Variants in DIABLO observed in about 807,000 individuals in gnomAD.
The protein encoded by DIABLO is diablo IAP-binding mitochondrial protein.
DIABLO carries 32 observed loss-of-function variants against 31.7 expected under a neutral mutation model. The observed-to-expected ratio is 1.01, with a 90% CI of 0.76 to 1.35. DIABLO has a LOEUF of 1.35. Ranked by LOEUF, DIABLO falls within the 40% of genes most tolerant of loss-of-function variation. DIABLO has a pLI of 0.00. For synonymous variants in DIABLO, 132 were observed against 103.2 expected (o/e 1.28, Z -1.69); for missense variants, 316 against 286.4 (o/e 1.10, Z -0.75).
intron 1 of DIABLO, chr12:122,224,872 G>C: frequency 1.4e-6 from 2 of 1,440,920 alleles, no homozygotes; most frequent in Non-Finnish European, 1.8e-6. Flanking sequence ...GAAGGCCAAG[G>C]GCAAGGCGGG....
intron 2 of DIABLO, chr12:122,222,693 A>C (rs1172689802): frequency 6.6e-6 from 1 of 152,132 alleles, no homozygotes; most frequent in African/African-American, 2.4e-5. Context: ...GGATGGTTTC[A>C]GGATGAAACT....
rs546769425 is a variant in DIABLO at position 122,225,819 on chromosome 12, T to C, written c.50+146A>G. The C allele has an allele frequency of 4.4e-3, 6,549 of 1,502,098 alleles. 21 individuals are homozygous for C. Among genetic ancestry groups the C allele is most frequent in the Non-Finnish European group, 5.3e-3 (5,979 of 1,125,686 alleles). The allele number at this position is 1,502,098 out of a possible 1,614,324, so 93.0% of individuals were successfully genotyped here. On this transcript the variant is annotated intron_variant, in intron 1 of 5. Transcript: ENST00000464942. ...GCGGAGGCGGGGCTGTCCTCAGTCC[T>C]CCCGACCGGAGCGAGACGCCGCGAC...
At chr12:122,214,719 C>G (rs1459111140) in intron 5 of DIABLO, among the ~76,000 whole-genome samples, 1 of 149,866 alleles carries the variant, frequency 6.7e-6, no homozygotes, top group Admixed American at 6.7e-5. Context: ...ATCCCAGTTT[C>G]TTTTTTTTTT....
chr12:122,227,145 G>T (rs1954495299), upstream of DIABLO, among the ~76,000 whole-genome samples: 1 of 152,176 alleles, frequency 6.6e-6, no homozygotes, highest in South Asian at 2.1e-4. Context: ...GTGGTGGGTG[G>T]GCATCAATCC....
chr12:122,220,174 G>A (rs1954304047), intron 2 of DIABLO, among the ~76,000 whole-genome samples: 1 of 151,934 alleles, frequency 6.6e-6, no homozygotes, highest in African/African-American at 2.4e-5. Flanking sequence ...TTGAACTCCT[G>A]ACCTCAAGTG....
At chr12:122,218,529 G>C (rs557085112) in intron 2 of DIABLO, 132 bp from the exon 3 acceptor site, 1 of 1,220,714 alleles carries the variant, frequency 8.2e-7, no homozygotes, top group East Asian at 2.5e-5. Context: ...ATTTCTTTGG[G>C]TTATATTTTT....
chr12:122,207,756 AG>A lies in DIABLO; in HGVS notation c.*624del, dbSNP rs770201010. On this transcript the variant is annotated 3_prime_UTR_variant, in exon 6 of 6. Transcript: ENST00000464942. ...ACAATAGAGAAACGGAAAGAAAGGAAGGAACAAGAGGCCTGTGTTAAGTCCT... is the reference window on the plus strand; with the variant it reads ...ACAATAGAGAAACGGAAAGAAAGGAAGAACAAGAGGCCTGTGTTAAGTCCT... The A allele has an allele frequency of 4.2e-5, 20 of 481,352 alleles. No homozygotes were observed. Among genetic ancestry groups the A allele is most frequent in the Non-Finnish European group, 8.1e-5 (20 of 245,584 alleles). The allele number at this position is 481,352 out of a possible 1,614,324, so 29.8% of individuals were successfully genotyped here. A position where few individuals can be genotyped will look rare whatever the true frequency, so the allele number is the denominator to read the frequency against.
Position 122,226,023 on chromosome 12 carries a change from G to C in DIABLO, c.-9C>G, listed in dbSNP as rs755788729. 152 of 1,601,932 alleles carry C rather than the reference G, an allele frequency of 9.5e-5. No individual in the cohort carries two copies. Among genetic ancestry groups the C allele is most frequent in the Middle Eastern group, 1.8e-4 (1 of 5,430 alleles). On this transcript the variant is annotated 5_prime_UTR_variant, in exon 1 of 6. Transcript: ENST00000464942. ...CTCTTCAGAGCCGCCATTGTGCAGC[G>C]CGCGGACGCCAGACGCACACGCCGG... is the stretch of plus-strand genomic sequence containing the variant.
At chr12:122,226,762 C>T, upstream of DIABLO, 1 of 559,792 alleles carries the variant, frequency 1.8e-6, no homozygotes, top group Non-Finnish European at 3.2e-6. Context: ...ACCCAAACTG[C>T]CCTCGTTCTT....
At chr12:122,212,209 T>C (rs1954103705) in intron 5 of DIABLO, among the ~76,000 whole-genome samples, 1 of 152,192 alleles carries the variant, frequency 6.6e-6, no homozygotes, top group Non-Finnish European at 1.5e-5. Context: ...CCAAGTTTCC[T>C]CCCACTCCTA....
rs1954261416 is a variant in DIABLO, at chr12:122,218,355, T to A, written c.226A>T (p.Arg76Ter). ...HSLSSEALMR[R>*]AVSLVTDSTS... ...CTATCTGTTACCAAAGACACTGCTC[T>A]CCTCATCAATGCTTCACTACTAAGG... The change falls in exon 3 of 6, where the codon AGA becomes TGA. Residue 76 changes from arginine (R) to a stop codon, truncating the protein, a stop_gained. Coordinates refer to ENST00000464942, the MANE Select transcript of DIABLO (RefSeq NM_001371333.1). LOFTEE classifies it high-confidence loss of function. The A allele has an allele frequency of 6.2e-7, 1 of 1,614,026 alleles. No homozygotes were observed. Among genetic ancestry groups the A allele is most frequent in the Non-Finnish European group, 8.5e-7 (1 of 1,180,010 alleles).
intron 5 of DIABLO, among the ~76,000 whole-genome samples, chr12:122,215,883 GAAAAAAA>G (rs60645708): frequency 6.4e-5 from 6 of 94,242 alleles, no homozygotes; most frequent in South Asian, 4.0e-4. Context: ...TTTTATGAAG[GAAAAAAA>G]AAAAAAAAAA....
At chr12:122,212,649 G>C (rs948218554) in intron 5 of DIABLO, among the ~76,000 whole-genome samples, 3 of 150,394 alleles carry the variant, frequency 2.0e-5, no homozygotes, top group African/African-American at 7.3e-5. Context: ...TTTTGAGATG[G>C]AGTCTTGCTC....
In DIABLO at chr12:122,212,920, C is replaced by T. The variant is rs141317366; in HGVS notation, c.523+3568G>A. 5.2e-4 allele frequency among the ~76,000 whole-genome samples: 79 copies of T among 151,504 alleles called. 1 individual carries two copies. Among genetic ancestry groups the T allele is most frequent in the African/African-American group, 1.8e-3 (74 of 41,116 alleles). On this transcript the variant is annotated intron_variant, in intron 5 of 5. Transcript: ENST00000464942. ...GATTACAGGCGTGAGCCACTGCGCC[C>T]GGCCATTTTTTTGTTTTTAAGACAG...
At chr12:122,209,699 G>A (rs192097817) in intron 5 of DIABLO, 1 of 684,070 alleles carries the variant, frequency 1.5e-6, no homozygotes, top group Non-Finnish European at 2.6e-6. Flanking sequence ...CATTTTACCT[G>A]CTGCTAGTTA....
chr12:122,226,549 T>C (rs1358623447), upstream of DIABLO: 2 of 698,276 alleles, frequency 2.9e-6, no homozygotes, highest in Non-Finnish European at 2.6e-6. Context: ...ACGTGGACGG[T>C]GGACGAGGCC....
chr12:122,226,279 G>A, upstream of DIABLO: 1 of 686,860 alleles, frequency 1.5e-6, no homozygotes. Flanking sequence ...GGTCCGGCGC[G>A]GAGCTGAGTC....
At chr12:122,214,371 G>C (rs546509836) in intron 5 of DIABLO, among the ~76,000 whole-genome samples, 49 of 152,230 alleles carry the variant, frequency 3.2e-4, no homozygotes, top group African/African-American at 1.1e-3. Flanking sequence ...AAGATTTGAT[G>C]ATTGAGAACC....
chr12:122,211,258 C>T (rs1954083219), intron 5 of DIABLO, among the ~76,000 whole-genome samples: 1 of 151,548 alleles, frequency 6.6e-6, no homozygotes, highest in African/African-American at 2.4e-5. Flanking sequence ...AAAGATTAAT[C>T]GGGCGTGGTG....
Sources: allele counts gnomAD v4.1 joint callset (sites outside exome capture counted in the v4.1 genomes callset), GRCh38; gene constraint gnomAD v4.1.1; transcripts MANE v1.5; gene names NCBI Gene and HGNC (gene_info 2026-07-23, HGNC 2026-07-21).